The following LEMD3 variants were observed in gnomAD, a reference collection of about 807,000 sequenced individuals.
LEMD3 encodes inner nuclear membrane protein Man1.
A neutral mutation model predicts 95.2 loss-of-function variants in LEMD3; 33 were observed. That is an observed-to-expected ratio of 0.35 (90% CI 0.26 to 0.46). The LOEUF is 0.46. Ranked by LOEUF, LEMD3 falls within the 20% of genes least tolerant of loss-of-function variation. The pLI, the probability that LEMD3 is intolerant of heterozygous loss-of-function variation, is 1.00. For missense variants in LEMD3, 1,210 were observed against 1,192.8 expected, an observed-to-expected ratio of 1.01 and a Z score of -0.21; for synonymous variants, 525 against 474.6, an observed-to-expected ratio of 1.11 and a Z score of -1.38.
At chr12:65,177,424 C>G (rs914249879) in intron 1 of LEMD3, among the ~76,000 whole-genome samples, 1 of 152,100 alleles carries the variant, frequency 6.6e-6, no homozygotes, top group Non-Finnish European at 1.5e-5. Context: ...GCCTGGATGA[C>G]TGAGAGAATG....
At chr12:65,173,676 G>T (rs541777514) in intron 1 of LEMD3, among the ~76,000 whole-genome samples, 4 of 152,262 alleles carry the variant, frequency 2.6e-5, no homozygotes, top group African/African-American at 9.6e-5. Flanking sequence ...GTAAACTACA[G>T]TATATCTAGA....
At chr12:65,171,403 A>C in intron 1 of LEMD3, 1 of 413,198 alleles carries the variant, frequency 2.4e-6, no homozygotes, top group Non-Finnish European at 4.5e-6. Flanking sequence ...ATATGTGACA[A>C]TTCTCTTTTA....
chr12:65,245,741 T>G lies in LEMD3; in HGVS notation c.2460T>G (p.Ile820Met), dbSNP rs199856827. 6.2e-7 allele frequency: 1 copy of G among 1,613,880 alleles called. No homozygotes were observed. Among genetic ancestry groups the G allele is most frequent in the Non-Finnish European group, 8.5e-7 (1 of 1,179,844 alleles). The change falls in exon 11 of 13, where the codon ATT (isoleucine) becomes ATG (methionine). Residue 820 changes from isoleucine to methionine, a missense_variant. Physicochemically the swap from Ile to Met is conservative, Grantham distance 10. This residue lies in a region of LEMD3 where 461 missense variants were observed against 569.8 expected (regional missense o/e 0.81). Transcript: ENST00000308330. The part of the protein sequence containing the change: ...ILEKCSDNDG[I>M]VHIAVDKNSR... ...AAAAATGCAGTGATAATGATGGCAT[T>G]GTTCACATTGCAGTAGACAAAAATT... is the stretch of plus-strand genomic sequence containing the variant.
rs537295130 is a variant in LEMD3 at position 65,223,384 on chromosome 12, A to G, written c.1695+4765A>G. ...AGTGGTGAGATCATAGCTTACTGCA[A>G]TCTCAAACTCCTGGGCTCAAGTGAT... On this transcript the variant is annotated intron_variant, in intron 4 of 12. Coordinates refer to ENST00000308330, the MANE Select transcript of LEMD3 (RefSeq NM_014319.5). Among the ~76,000 whole-genome samples the G allele has an allele frequency of 9.3e-5, 14 of 149,770 alleles. No homozygotes were observed. The South Asian group carries it at 1.9e-3, about 20-fold the overall frequency.
At chr12:65,204,413 A>G (rs542279275) in intron 1 of LEMD3, among the ~76,000 whole-genome samples, 13 of 152,164 alleles carry the variant, frequency 8.5e-5, no homozygotes, top group South Asian at 4.1e-4. Context: ...TCCCACTTAT[A>G]AGTGAGAACA....
chr12:65,195,794 T>C (rs1430182315), intron 1 of LEMD3, among the ~76,000 whole-genome samples: 9 of 152,164 alleles, frequency 5.9e-5, no homozygotes. Context: ...GATTCAGTCC[T>C]TCTCTCTCTG....
chr12:65,227,930 T>G (rs1367275012), intron 4 of LEMD3, among the ~76,000 whole-genome samples: 1 of 152,116 alleles, frequency 6.6e-6, no homozygotes, highest in Non-Finnish European at 1.5e-5. Flanking sequence ...TATTTTTGAT[T>G]CATGATAGAC....
At chr12:65,230,194 T>C (rs186202049) in intron 4 of LEMD3, among the ~76,000 whole-genome samples, 1 of 152,342 alleles carries the variant, frequency 6.6e-6, no homozygotes, top group African/African-American at 2.4e-5. Context: ...CATGCTGTTT[T>C]GGTTACTATA....
intron 1 of LEMD3, among the ~76,000 whole-genome samples, chr12:65,180,163 C>T (rs1050756468): frequency 6.6e-6 from 1 of 151,972 alleles, no homozygotes; most frequent in African/African-American, 2.4e-5. Flanking sequence ...CCAGGCTGGT[C>T]TTAAACTCCT....
intron 4 of LEMD3, among the ~76,000 whole-genome samples, chr12:65,235,364 A>T (rs1446765078): frequency 6.6e-6 from 1 of 152,112 alleles, no homozygotes; most frequent in Non-Finnish European, 1.5e-5. Flanking sequence ...AATATTTTAA[A>T]ACAATATTAA....
intron 1 of LEMD3, among the ~76,000 whole-genome samples, chr12:65,202,810 A>G (rs1372796501): frequency 6.6e-6 from 1 of 152,160 alleles, no homozygotes; most frequent in East Asian, 1.9e-4. Context: ...GGTCTGTTTC[A>G]TCAAGGTTGT....
chr12:65,181,735 A>G (rs1192779463), intron 1 of LEMD3, among the ~76,000 whole-genome samples: 2 of 152,048 alleles, frequency 1.3e-5, no homozygotes, highest in Non-Finnish European at 2.9e-5. Context: ...ATTTTAATAA[A>G]TGTAGGTTTT....
rs1871108159 is a variant in LEMD3 at position 65,246,380 on chromosome 12, G to A, written c.*55G>A. The stretch of plus-strand genomic sequence containing the variant: ...ATTTACAATAGGAAAATTCCTGTTT[G>A]GCTTTTTGTCTTCCTTTTTAAATGC... On this transcript the variant is annotated 3_prime_UTR_variant, in exon 13 of 13. Coordinates refer to ENST00000308330, the MANE Select transcript of LEMD3 (RefSeq NM_014319.5). 1 of 1,384,674 alleles carries A rather than the reference G, an allele frequency of 7.2e-7. No individual in the cohort carries two copies. The highest frequency in any genetic ancestry group is 1.7e-5 in the Admixed American group (1 of 59,548). 85.8% of individuals were successfully genotyped at this position (1,384,674 alleles called of 1,614,324 possible).
intron 4 of LEMD3, among the ~76,000 whole-genome samples, chr12:65,229,698 T>C (rs1347830151): frequency 6.6e-6 from 1 of 152,212 alleles, no homozygotes; most frequent in East Asian, 1.9e-4. Flanking sequence ...AGATGTCTGC[T>C]AAGCTCATTT....
chr12:65,224,087 A>G lies in LEMD3; in HGVS notation c.1695+5468A>G, dbSNP rs1052604298. 5.3e-5 allele frequency among the ~76,000 whole-genome samples: 8 copies of G among 152,194 alleles called. No homozygotes were observed. The East Asian group carries it at 1.3e-3, about 26-fold the overall frequency. ...GTGTATCATCAACATATTTTTATAA[A>G]GTTTTTTATACTTTTGTCTTTTAAA... On this transcript the variant is annotated intron_variant, in intron 4 of 12. Coordinates refer to ENST00000308330, the MANE Select transcript of LEMD3 (RefSeq NM_014319.5).
At chr12:65,228,899 C>T (rs895492201) in intron 4 of LEMD3, among the ~76,000 whole-genome samples, 1 of 152,180 alleles carries the variant, frequency 6.6e-6, no homozygotes, top group African/African-American at 2.4e-5. Flanking sequence ...ATTATAGTTG[C>T]CTTGCAGTGT....
intron 3 of LEMD3, among the ~76,000 whole-genome samples, chr12:65,217,494 T>C (rs972110510): frequency 5.3e-5 from 8 of 152,216 alleles, no homozygotes; most frequent in African/African-American, 1.9e-4. Flanking sequence ...AAAACTGAAA[T>C]GAGAACATGG....
intron 1 of LEMD3, among the ~76,000 whole-genome samples, chr12:65,184,814 G>A (rs1409834406): frequency 6.6e-6 from 1 of 152,094 alleles, no homozygotes; most frequent in East Asian, 1.9e-4. Flanking sequence ...TATAGGGCAG[G>A]GAGAGGAGTT....
chr12:65,240,637 A>T, intron 8 of LEMD3: 1 of 462,376 alleles, frequency 2.2e-6, no homozygotes, highest in East Asian at 3.9e-5. Flanking sequence ...AAAATAAAAG[A>T]TAATTCCATA....
Sources: gnomAD v4.1 joint callset for allele counts (sites outside exome capture counted in the v4.1 genomes callset) on GRCh38, gnomAD v4.1.1 for gene constraint, gnomAD v4.1.1 regional missense constraint, MANE v1.5 for transcripts, NCBI Gene and HGNC (gene_info 2026-07-23, HGNC 2026-07-21) for gene names.